Variants in FAM110B observed in about 807,000 individuals in gnomAD.
The protein encoded by FAM110B is protein FAM110B.
In FAM110B, 6 loss-of-function variants were observed where a neutral mutation model predicts 20.4. The observed-to-expected ratio is 0.29, with a 90% CI of 0.16 to 0.58. FAM110B has a LOEUF of 0.58. Among genes scored for constraint, FAM110B ranks in the 20% least tolerant of loss-of-function variants. The pLI is 0.90. For missense variants in FAM110B, 434 were observed against 498.2 expected (o/e 0.87, Z 1.23); for synonymous variants, 226 against 214.1 (o/e 1.06, Z -0.49).
chr8:58,037,918 C>T (rs1805120867), intron 2 of FAM110B, among the ~76,000 whole-genome samples: 1 of 152,186 alleles, frequency 6.6e-6, no homozygotes, highest in Non-Finnish European at 1.5e-5. Context: ...AACGCTTCAT[C>T]TCTGAGGCTA....
chr8:57,995,804 A>G (rs1284275367), intron 1 of FAM110B, among the ~76,000 whole-genome samples: 1 of 152,198 alleles, frequency 6.6e-6, no homozygotes, highest in Non-Finnish European at 1.5e-5. Context: ...AAAATAGGCA[A>G]CCTCTGTGTT....
intron 3 of FAM110B, among the ~76,000 whole-genome samples, chr8:58,138,011 T>G (rs1191591483): frequency 6.6e-6 from 1 of 152,206 alleles, no homozygotes; most frequent in East Asian, 1.9e-4. Flanking sequence ...TCCCCTTTAC[T>G]TGCTCCAGCT....
rs920018424 is a variant in FAM110B, at chr8:58,079,355, A to G, written c.-325+3732A>G. ...TCTTTTACTTATTCACAAAAATTGT[A>G]TACACTTCTCTAAGGGTAGATCTAG... On this transcript the variant is annotated intron_variant, in intron 3 of 3. Coordinates refer to ENST00000519262, the MANE Select transcript of FAM110B (RefSeq NM_001377989.1). Among the ~76,000 whole-genome samples, 9 of 152,246 alleles carry G rather than the reference A, an allele frequency of 5.9e-5. No homozygotes were observed. In the East Asian group the frequency reaches 1.2e-3, roughly 20 times the overall value.
chr8:58,060,823 G>A (rs1299140602), intron 2 of FAM110B, among the ~76,000 whole-genome samples: 1 of 151,946 alleles, frequency 6.6e-6, no homozygotes, highest in Non-Finnish European at 1.5e-5. Context: ...ACCAGTGCAG[G>A]GCCCTGGCTC....
chr8:58,009,133 G>A lies in FAM110B; in HGVS notation c.-512+14327G>A, dbSNP rs143799188. ...TAGACAGGGGACTTGATAGGGGGACGTAAGTCACATTCCAGCCAGCGGAGT... is the reference window on the plus strand; with the variant it reads ...TAGACAGGGGACTTGATAGGGGGACATAAGTCACATTCCAGCCAGCGGAGT... On this transcript the variant is annotated intron_variant, in intron 1 of 3. Transcript: ENST00000519262. Among the ~76,000 whole-genome samples, 49 of 152,366 alleles carry A rather than the reference G, an allele frequency of 3.2e-4. 1 individual carries two copies. The East Asian group carries it at 7.7e-3, about 24-fold the overall frequency.
At chr8:58,071,072 G>A (rs948278673) in intron 2 of FAM110B, among the ~76,000 whole-genome samples, 1 of 152,032 alleles carries the variant, frequency 6.6e-6, no homozygotes, top group African/African-American at 2.4e-5. Flanking sequence ...GGAAGGTGGG[G>A]TTCTTACCAC....
At chr8:58,030,502 A>T (rs1404857067) in intron 1 of FAM110B, among the ~76,000 whole-genome samples, 1 of 152,210 alleles carries the variant, frequency 6.6e-6, no homozygotes. Flanking sequence ...TGTATCATTC[A>T]TTACACATCT....
At chr8:57,999,070 G>A (rs1474193267) in intron 1 of FAM110B, among the ~76,000 whole-genome samples, 2 of 152,132 alleles carry the variant, frequency 1.3e-5, no homozygotes, top group African/African-American at 4.8e-5. Flanking sequence ...TTGTTTTAAA[G>A]GAAACTTTAG....
chr8:58,036,892 C>T (rs994583894), intron 2 of FAM110B, among the ~76,000 whole-genome samples: 4 of 152,178 alleles, frequency 2.6e-5, no homozygotes, highest in Non-Finnish European at 5.9e-5. Context: ...TTGAATTTTT[C>T]TTCTCCAAGT....
intron 3 of FAM110B, among the ~76,000 whole-genome samples, chr8:58,076,470 C>G (rs1469444977): frequency 6.6e-6 from 1 of 152,120 alleles, no homozygotes; most frequent in Non-Finnish European, 1.5e-5. Flanking sequence ...CTGGGAATGG[C>G]AGGGTGCTTT....
chr8:58,138,684 T>C (rs561747329), intron 3 of FAM110B, among the ~76,000 whole-genome samples: 1 of 152,338 alleles, frequency 6.6e-6, no homozygotes, highest in Admixed American at 6.5e-5. Context: ...TGTGAAACCT[T>C]TGTGGGTAAC....
At chr8:58,026,132 G>A (rs1054200750) in intron 1 of FAM110B, among the ~76,000 whole-genome samples, 3 of 152,150 alleles carry the variant, frequency 2.0e-5, no homozygotes, top group African/African-American at 4.8e-5. Context: ...TTGAGTACAG[G>A]GTAGTGCTTG....
intron 1 of FAM110B, among the ~76,000 whole-genome samples, chr8:58,002,087 G>A (rs764028789): frequency 5.5e-4 from 84 of 152,178 alleles, no homozygotes; most frequent in Non-Finnish European, 2.2e-4. Flanking sequence ...TCACCTTTTT[G>A]TTCCATTTGG....
intron 2 of FAM110B, among the ~76,000 whole-genome samples, chr8:58,074,689 T>C (rs1459311076): frequency 6.6e-6 from 1 of 152,160 alleles, no homozygotes; most frequent in Non-Finnish European, 1.5e-5. Context: ...AATTAATGAT[T>C]CCCGGCATGG....
At chr8:58,121,606 T>C (rs1807361965) in intron 3 of FAM110B, among the ~76,000 whole-genome samples, 1 of 152,252 alleles carries the variant, frequency 6.6e-6, no homozygotes, top group South Asian at 2.1e-4. Flanking sequence ...GACAATGTAA[T>C]ATAGCTACAC....
chr8:58,145,186 G>C (rs1228391950), intron 3 of FAM110B, among the ~76,000 whole-genome samples: 6 of 152,004 alleles, frequency 3.9e-5, no homozygotes, highest in Non-Finnish European at 8.8e-5. Flanking sequence ...GTATTTCTAT[G>C]GATCTTCTAA....
intron 3 of FAM110B, among the ~76,000 whole-genome samples, chr8:58,119,815 A>G (rs1209955851): frequency 6.6e-6 from 1 of 152,222 alleles, no homozygotes; most frequent in Non-Finnish European, 1.5e-5. Context: ...TGCACTCGGC[A>G]TGCCGCTAAG....
At chr8:58,043,829 G>C (rs1230703271) in intron 2 of FAM110B, among the ~76,000 whole-genome samples, 1 of 152,126 alleles carries the variant, frequency 6.6e-6, no homozygotes, top group Non-Finnish European at 1.5e-5. Flanking sequence ...TTATAGATGA[G>C]GAGACTGAGG....
At chr8:58,075,271 T>TGGTGTGTGGGTGTGTGTGTGTGTGTG (rs1554521060) in intron 2 of FAM110B, among the ~76,000 whole-genome samples, 1 of 134,726 alleles carries the variant, frequency 7.4e-6, no homozygotes, top group African/African-American at 3.7e-5. Context: ...GCTTTTTTTT[T>TGGTGTGTGGGTGTGTGTGTGTGTGTG]TTTTTGTGTG....
Sources: gnomAD v4.1 joint callset for allele counts (sites outside exome capture counted in the v4.1 genomes callset) on GRCh38, gnomAD v4.1.1 for gene constraint, MANE v1.5 for transcripts, NCBI Gene and HGNC (gene_info 2026-07-23, HGNC 2026-07-21) for gene names.